The following IQCH variants were observed in gnomAD, a reference collection of about 807,000 sequenced individuals.
IQCH encodes the protein IQ motif containing H.
Under a neutral mutation model 117.0 loss-of-function variants are expected in IQCH, and 98 were observed. The ratio of observed to expected loss-of-function variants is 0.84; its 90% CI spans 0.71 to 0.99. IQCH has a LOEUF of 0.99. IQCH is among the 50% of genes least tolerant of loss of function. The pLI is 0.00. For missense variants in IQCH, 1,102 were observed against 1,243.8 expected (o/e 0.89, Z 1.72); for synonymous variants, 412 against 448.2 (o/e 0.92, Z 1.02).
chr15:67,392,501 G>A (rs1971318984), intron 12 of IQCH, among the ~76,000 whole-genome samples: 1 of 152,146 alleles, frequency 6.6e-6, no homozygotes, highest in Admixed American at 6.5e-5. Context: ...TTAAGGCCAG[G>A]TGCAGTGGCT....
intron 4 of IQCH, among the ~76,000 whole-genome samples, chr15:67,315,392 G>C (rs1389194934): frequency 6.6e-6 from 1 of 152,130 alleles, no homozygotes; most frequent in Non-Finnish European, 1.5e-5. Context: ...TCCCTGTAAA[G>C]TGAGTGTTTT....
chr15:67,273,224 C>T (rs1052121770), intron 3 of IQCH, among the ~76,000 whole-genome samples: 3 of 152,058 alleles, frequency 2.0e-5, no homozygotes, highest in African/African-American at 7.2e-5. Context: ...GCGCCTGCCA[C>T]CATGCCTGGC....
At position 67,374,317 on chromosome 15, in the gene IQCH, T is replaced by C. The variant is rs1287733874; in HGVS notation, c.1372+884T>C. ...CAACCCATTGAATCTCTTTGTTACA[T>C]ACATATTAGCTCTTTGTTAAAGTCT... On this transcript the variant is annotated intron_variant, in intron 10 of 20. Transcript: ENST00000335894. The C allele has an allele frequency of 3.3e-5, 5 of 152,388 alleles. 1 individual carries two copies. Among genetic ancestry groups the C allele is most frequent in the Middle Eastern group, 6.8e-3 (2 of 296 alleles). 9.4% of individuals were successfully genotyped at this position (152,388 alleles called of 1,614,324 possible).
chr15:67,367,499 A>G (rs1970376756), intron 8 of IQCH, among the ~76,000 whole-genome samples: 2 of 152,194 alleles, frequency 1.3e-5, no homozygotes, highest in African/African-American at 4.8e-5. Context: ...TGATCACGCA[A>G]CTGCACTCCA....
intron 4 of IQCH, among the ~76,000 whole-genome samples, chr15:67,321,315 T>A (rs1300287101): frequency 6.6e-6 from 1 of 152,174 alleles, no homozygotes; most frequent in Non-Finnish European, 1.5e-5. Context: ...ATTCTTTAAG[T>A]CTGTGTTCAC....
intron 4 of IQCH, chr15:67,304,346 T>A: frequency 6.6e-7 from 1 of 1,508,000 alleles, no homozygotes; most frequent in Non-Finnish European, 8.9e-7. Context: ...CAGCGAAAGA[T>A]AGGGTTGAAT....
Position 67,464,067 on chromosome 15 carries a change from G to A in IQCH, c.2506-1060G>A, listed in dbSNP as rs889944687. ...CATGTTGGCCAGGCTGGTCTCAGGT[G>A]ATCCTCCCACCTCGGCCTCCCAAAG... is the stretch of plus-strand genomic sequence containing the variant. On this transcript the variant is annotated intron_variant, in intron 16 of 20. Transcript: ENST00000335894. 1.2e-4 allele frequency among the ~76,000 whole-genome samples: 18 copies of A among 152,212 alleles called. No individual in the cohort carries two copies. The South Asian group carries it at 3.7e-3, about 32-fold the overall frequency.
rs1027738893 is a variant in IQCH, at chr15:67,365,640, G to A, written c.753+5755G>A. Among the ~76,000 whole-genome samples, 4 of 152,148 alleles carry A rather than the reference G, an allele frequency of 2.6e-5. No individual in the cohort carries two copies. The highest frequency in any genetic ancestry group is 5.9e-5 in the Non-Finnish European group (4 of 68,030). On this transcript the variant is annotated intron_variant, in intron 8 of 20. Transcript: ENST00000335894. The surrounding 1 kb of genome is among the most constrained non-coding windows in gnomAD (Gnocchi z 4.4). The stretch of plus-strand genomic sequence containing the variant: ...AAAAATAAACCAGAATACATATGTA[G>A]GTATAGAAGCCACGCACGGTGGCTC...
At chr15:67,273,057 T>A (rs892242396) in intron 3 of IQCH, among the ~76,000 whole-genome samples, 2 of 152,114 alleles carry the variant, frequency 1.3e-5, no homozygotes, top group African/African-American at 4.8e-5. Flanking sequence ...ATTGCTTTTT[T>A]ATTTATTTTT....
intron 16 of IQCH, among the ~76,000 whole-genome samples, chr15:67,441,705 T>C (rs917735160): frequency 6.6e-5 from 10 of 152,200 alleles, no homozygotes; most frequent in African/African-American, 1.7e-4. Context: ...TGAAACTGGA[T>C]TGTCATCTCT....
chr15:67,451,197 G>A (rs1192501516), intron 16 of IQCH, among the ~76,000 whole-genome samples: 3 of 152,010 alleles, frequency 2.0e-5, no homozygotes. Context: ...TTGATTTTTT[G>A]AAGGGTTTCT....
At chr15:67,310,762 C>A (rs1045611710) in intron 4 of IQCH, among the ~76,000 whole-genome samples, 1 of 152,072 alleles carries the variant, frequency 6.6e-6, no homozygotes, top group African/African-American at 2.4e-5. Flanking sequence ...ATTCTGTTTA[C>A]AACTGCAGAT....
intron 6 of IQCH, among the ~76,000 whole-genome samples, chr15:67,352,878 G>A (rs1969725079): frequency 6.6e-6 from 1 of 152,098 alleles, no homozygotes; most frequent in Non-Finnish European, 1.5e-5. Context: ...TATGCATTTA[G>A]TAGAAAACAG....
chr15:67,499,585 G>A (rs900755696), intron 20 of IQCH, among the ~76,000 whole-genome samples: 5 of 151,890 alleles, frequency 3.3e-5, no homozygotes, highest in African/African-American at 1.2e-4. Context: ...ATATGACCCG[G>A]CAATTCCATT....
chr15:67,379,435 T>C (rs1209481975), intron 10 of IQCH, among the ~76,000 whole-genome samples: 1 of 152,212 alleles, frequency 6.6e-6, no homozygotes, highest in East Asian at 1.9e-4. Flanking sequence ...AACATCTTAG[T>C]ATAATTTTGA....
intron 3 of IQCH, among the ~76,000 whole-genome samples, chr15:67,266,048 T>C (rs1195380716): frequency 6.6e-6 from 1 of 152,086 alleles, no homozygotes; most frequent in Non-Finnish European, 1.5e-5. Context: ...AAGTTTTGAA[T>C]TGGGACAGAA....
Position 67,459,352 on chromosome 15 carries a change from A to G in IQCH, c.2506-5775A>G, listed in dbSNP as rs1466259460. ...CCATACGTGCCCTGATGCCCATAGG[A>G]GAAGGGTGGCAAGAGGCAACACTAA... On this transcript the variant is annotated intron_variant, in intron 16 of 20. Transcript: ENST00000335894. This position sits in a 1 kb window ranked among gnomAD's most constrained non-coding sequence, Gnocchi z 4.2. Among the ~76,000 whole-genome samples the G allele has an allele frequency of 6.6e-6, 1 of 152,166 alleles. No homozygotes were observed. Among genetic ancestry groups the G allele is most frequent in the African/African-American group, 2.4e-5 (1 of 41,434 alleles).
At chr15:67,255,190 A>AAAGTT in intron 1 of IQCH, 2 of 571,010 alleles carry the variant, frequency 3.5e-6, no homozygotes, top group Non-Finnish European at 3.2e-6. Context: ...AAACTCTAAA[A>AAAGTT]CCGTTCACCC....
chr15:67,304,504 A>T, intron 4 of IQCH: 4 of 915,698 alleles, frequency 4.4e-6, no homozygotes, highest in Non-Finnish European at 6.6e-6. Context: ...AAGAAATAAA[A>T]GTCATTTATT....
Sources: gnomAD v4.1 joint callset for allele counts (sites outside exome capture counted in the v4.1 genomes callset) on GRCh38, gnomAD v4.1.1 for gene constraint, Gnocchi (gnomAD v3.1) non-coding constraint, MANE v1.5 for transcripts, NCBI Gene and HGNC (gene_info 2026-07-23, HGNC 2026-07-21) for gene names.